The following DPP8 variants were observed in gnomAD, a reference collection of about 807,000 sequenced individuals.
DPP8 encodes the protein dipeptidyl peptidase 8.
DPP8 carries 31 observed loss-of-function variants against 107.5 expected under a neutral mutation model. The observed-to-expected ratio is 0.29, with a 90% CI of 0.22 to 0.39. DPP8 has a LOEUF of 0.39. Ranked by LOEUF, DPP8 falls within the 10% of genes least tolerant of loss-of-function variation. The probability of loss-of-function intolerance (pLI) is 1.00; values close to 1 mark genes in which losing one functional copy is unlikely to be tolerated. For missense variants in DPP8, 842 were observed against 1,076.1 expected (o/e 0.78, Z 3.04); for synonymous variants, 381 against 356.6 (o/e 1.07, Z -0.77).
chr15:65,470,024 C>T (rs1326205462), intron 12 of DPP8, among the ~76,000 whole-genome samples: 3 of 151,182 alleles, frequency 2.0e-5, no homozygotes, highest in Non-Finnish European at 2.9e-5. Context: ...TGGCAAAACC[C>T]CATCTCTGTT....
chr15:65,516,434 A>G (rs77849211), intron 1 of DPP8: 2 of 135,544 alleles, frequency 1.5e-5, no homozygotes, highest in Non-Finnish European at 3.3e-5. Context: ...CTGGCTTAGG[A>G]AAAAAAAAAA....
At chr15:65,463,656 C>T in intron 15 of DPP8, 105 bp downstream of exon 15, 2 of 975,872 alleles carry the variant, frequency 2.0e-6, no homozygotes, top group Non-Finnish European at 3.0e-6. Context: ...AAAGCAAATG[C>T]CCAACAATGC....
At chr15:65,504,252 A>G (rs535999332) in intron 3 of DPP8, among the ~76,000 whole-genome samples, 43 of 152,038 alleles carry the variant, frequency 2.8e-4, no homozygotes, top group Admixed American at 2.4e-3. Flanking sequence ...AATTCCAGCT[A>G]CTTGGGAGGC....
chr15:65,455,575 G>T, intron 16 of DPP8: 1 of 824,102 alleles, frequency 1.2e-6, no homozygotes, highest in Non-Finnish European at 1.6e-6. Flanking sequence ...CCACCACCTT[G>T]TCTATATTAC....
At chr15:65,514,424 A>G (rs2071187517) in intron 1 of DPP8, among the ~76,000 whole-genome samples, 1 of 152,188 alleles carries the variant, frequency 6.6e-6, no homozygotes, top group South Asian at 2.1e-4. Flanking sequence ...ATACTATCAT[A>G]TGTTGTTTAC....
In DPP8 at chr15:65,467,230, A is replaced by C; in HGVS notation, c.1537-7T>G. The stretch of plus-strand genomic sequence containing the variant: ...TGACTTCATCAACTTGGATCTGACA[A>C]GATAACAACAATAACAAAATCAGGG... On this transcript the variant is annotated splice_polypyrimidine_tract_variant and splice_region_variant and intron_variant, in intron 12 of 19. Coordinates refer to ENST00000300141, the MANE Select transcript of DPP8 (RefSeq NM_130434.5). 6.2e-7 allele frequency: 1 copy of C among 1,613,854 alleles called. No individual in the cohort carries two copies. The highest frequency in any genetic ancestry group is 8.5e-7 in the Non-Finnish European group (1 of 1,179,928).
chr15:65,509,514 C>G (rs961747075), intron 2 of DPP8, among the ~76,000 whole-genome samples: 2 of 152,196 alleles, frequency 1.3e-5, no homozygotes, highest in African/African-American at 4.8e-5. Context: ...TTTAGAGCTA[C>G]AGCAGTCATT....
chr15:65,478,776 C>A, intron 11 of DPP8, 104 bp downstream of exon 11: 1 of 747,374 alleles, frequency 1.3e-6, no homozygotes, highest in Non-Finnish European at 2.2e-6. Context: ...TTTAACAAAG[C>A]AAGTATTGAT....
At chr15:65,497,486 TCAAA>T (rs931416691) in intron 5 of DPP8, among the ~76,000 whole-genome samples, 6 of 151,760 alleles carry the variant, frequency 4.0e-5, no homozygotes, top group South Asian at 2.1e-4. Context: ...ACTTCTGGGC[TCAAA>T]CAATCTGCCT....
At chr15:65,492,565 A>C (rs1170690585) in intron 5 of DPP8, among the ~76,000 whole-genome samples, 1 of 152,130 alleles carries the variant, frequency 6.6e-6, no homozygotes, top group Non-Finnish European at 1.5e-5. Flanking sequence ...TAGCCAGTCT[A>C]GTAGGCATTA....
In DPP8 at chr15:65,507,285, T is replaced by G; in HGVS notation, c.330A>C (p.Ala110=). The change falls in exon 3 of 20, where the codon GCA becomes GCC. Residue 110 remains alanine (A), a synonymous_variant. Coordinates refer to ENST00000300141, the MANE Select transcript of DPP8 (RefSeq NM_130434.5). ...GAGGCTTCCAAGAGAGCATTAAGAC[T>G]GCTGCTCTATTGATAGTTTTGGGAA... is the stretch of plus-strand genomic sequence containing the variant. ...SEIPKTINRA[A]VLMLSWKPLL... 1 of 1,612,316 alleles carries G rather than the reference T, an allele frequency of 6.2e-7. No homozygotes were observed. The highest frequency in any genetic ancestry group is 8.5e-7 in the Non-Finnish European group (1 of 1,179,014).
intron 3 of DPP8, among the ~76,000 whole-genome samples, chr15:65,506,198 G>A (rs1470090669): frequency 1.3e-5 from 2 of 151,698 alleles, no homozygotes; most frequent in Non-Finnish European, 1.5e-5. Context: ...GCGTGGTGGC[G>A]CATGCCTGTA....
intron 8 of DPP8, 150 bp downstream of exon 8, chr15:65,484,949 G>T: frequency 1.5e-6 from 1 of 650,896 alleles, no homozygotes; most frequent in East Asian, 2.9e-5. Context: ...TGATTTGCAA[G>T]TAAAAAATTA....
At chr15:65,475,244 G>A in intron 11 of DPP8, 1 of 532,950 alleles carries the variant, frequency 1.9e-6, no homozygotes, top group Non-Finnish European at 3.4e-6. Flanking sequence ...TTAGTTGAGA[G>A]TATGACATTT....
chr15:65,447,750 G>C (rs2063577636), intron 19 of DPP8, among the ~76,000 whole-genome samples: 1 of 152,140 alleles, frequency 6.6e-6, no homozygotes, highest in Non-Finnish European at 1.5e-5. Flanking sequence ...AATGAAGTGA[G>C]CTGGTCACTT....
At chr15:65,465,203 T>A (rs1205980994) in intron 14 of DPP8, among the ~76,000 whole-genome samples, 1 of 150,722 alleles carries the variant, frequency 6.6e-6, no homozygotes, top group Non-Finnish European at 1.5e-5. Context: ...AGTTTCACTC[T>A]GTTGCCCAGG....
At position 65,507,263 on chromosome 15, in the gene DPP8, G is replaced by A. The variant is rs763220521; in HGVS notation, c.352C>T (p.Pro118Ser). Residue 118 changes from proline to serine, a missense_variant, in exon 3 of 20, where the codon CCT (proline) becomes TCT (serine). Physicochemically the swap from Pro to Ser is moderately conservative, Grantham distance 74 (BLOSUM62 -1). Transcript: ENST00000300141. ...RAAVLMLSWK[P>S]LLDLFQATLD... ...CCTACCTGAAAAAGATCCAAAAGAG[G>A]CTTCCAAGAGAGCATTAAGACTGCT... is the stretch of plus-strand genomic sequence containing the variant. 6.2e-7 allele frequency: 1 copy of A among 1,602,544 alleles called. No homozygotes were observed. The highest frequency in any genetic ancestry group is 1.1e-5 in the South Asian group (1 of 89,728).
Position 65,480,367 on chromosome 15 carries a change from G to A in DPP8, c.1151C>T (p.Thr384Ile), listed in dbSNP as rs2066809874. Reference sequence around the variant, plus strand: ...TGAGATCAACACTATCTGTAGGCGAGTCTGGGAGCGATCTAGTAGGATGGA... The same window carrying A: ...TGAGATCAACACTATCTGTAGGCGAATCTGGGAGCGATCTAGTAGGATGGA... ...AWSILLDRSQ[T>I]RLQIVLISPE... Residue 384 changes from threonine to isoleucine, a missense_variant, in exon 10 of 20, where the codon ACT (threonine) becomes ATT (isoleucine). Coordinates refer to ENST00000300141, the MANE Select transcript of DPP8 (RefSeq NM_130434.5). The A allele has an allele frequency of 6.2e-7, 1 of 1,613,286 alleles. No individual in the cohort carries two copies. Among genetic ancestry groups the A allele is most frequent in the Non-Finnish European group, 8.5e-7 (1 of 1,179,716 alleles).
At chr15:65,457,930 T>TTACA (rs1248049379) in intron 15 of DPP8, among the ~76,000 whole-genome samples, 1 of 152,012 alleles carries the variant, frequency 6.6e-6, no homozygotes, top group Non-Finnish European at 1.5e-5. Context: ...ATAGCTGGGA[T>TTACA]TACATGTGTG....
Sources: allele counts gnomAD v4.1 joint callset (sites outside exome capture counted in the v4.1 genomes callset), GRCh38; gene constraint gnomAD v4.1.1; transcripts MANE v1.5; gene names NCBI Gene and HGNC (gene_info 2026-07-23, HGNC 2026-07-21).